HECW1: variants seen among roughly 807,000 people sequenced by gnomAD.
HECW1 encodes the protein HECT, C2 and WW domain containing E3 ubiquitin protein ligase 1, also known as E3 ubiquitin-protein ligase HECW1.
A neutral mutation model predicts 182.3 loss-of-function variants in HECW1; 61 were observed. That is an observed-to-expected ratio of 0.33 (90% confidence interval 0.27 to 0.41). The LOEUF (loss-of-function observed/expected upper bound fraction) is 0.41, where lower values mean the gene tolerates loss of function less well. HECW1 is among the 10% of genes least tolerant of loss of function. The pLI, the probability that HECW1 is intolerant of heterozygous loss-of-function variation, is 1.00. For missense variants in HECW1, 1,739 were observed against 2,108.9 expected, an observed-to-expected ratio of 0.82 and a Z score of 3.44; for synonymous variants, 859 against 832.6, an observed-to-expected ratio of 1.03 and a Z score of -0.55.
chr7:43,263,486 G>A (rs776205077), intron 3 of HECW1, among the ~76,000 whole-genome samples: 3 of 151,916 alleles, frequency 2.0e-5, no homozygotes, highest in Non-Finnish European at 4.4e-5. Flanking sequence ...TCAGCCTCCC[G>A]AGTAGCTGGG....
At chr7:43,476,714 G>T (rs1055878318) in intron 16 of HECW1, among the ~76,000 whole-genome samples, 1 of 152,080 alleles carries the variant, frequency 6.6e-6, no homozygotes, top group African/African-American at 2.4e-5. Flanking sequence ...GGAAATGAAT[G>T]ATTTGGAAAA....
chr7:43,548,859 G>A (rs1056087514), intron 26 of HECW1, among the ~76,000 whole-genome samples: 3 of 152,176 alleles, frequency 2.0e-5, no homozygotes, highest in Non-Finnish European at 2.9e-5. Flanking sequence ...TGGGAGAATC[G>A]CTTGAGCTTG....
rs1180932014 is a variant in HECW1 at position 43,432,802 on chromosome 7, T to G, written c.802-5201T>G. On this transcript the variant is annotated intron_variant, in intron 8 of 29. Transcript: ENST00000395891. This position sits in a 1 kb window ranked among gnomAD's most constrained non-coding sequence, Gnocchi z 4.1. ...TTGCCAATTAAATATTTCCTTTAGT[T>G]AGTTACCCTGTTTTAATTTCATTAA... 6.6e-6 allele frequency among the ~76,000 whole-genome samples: 1 copy of G among 152,266 alleles called. No homozygotes were observed. The highest frequency in any genetic ancestry group is 1.5e-5 in the Non-Finnish European group (1 of 68,044).
chr7:43,552,246 G>A lies in HECW1; in HGVS notation c.4420G>A (p.Val1474Met), dbSNP rs371652643. The A allele has an allele frequency of 3.2e-5, 51 of 1,613,604 alleles. No homozygotes were observed. Among genetic ancestry groups the A allele is most frequent in the South Asian group, 1.3e-4 (12 of 91,086 alleles). The change falls in exon 28 of 30, where the codon GTG (valine) becomes ATG (methionine). Residue 1474 changes from valine (V) to methionine (M), a missense_variant. Around this residue, in one of 5 missense-constraint regions of HECW1, gnomAD observed 420 missense variants for 595.7 expected, o/e 0.71. Transcript: ENST00000395891. ...GGTTGTAGACTCGAGGCTGGTGTCC[G>A]TGTTTGATGCCAGGGAGCTGGAGCT... is the stretch of plus-strand genomic sequence containing the variant. ...YEVVDSRLVS[V>M]FDARELELVI...
At chr7:43,117,743 T>C (rs149438625) in intron 2 of HECW1, among the ~76,000 whole-genome samples, 5 of 152,294 alleles carry the variant, frequency 3.3e-5, no homozygotes, top group African/African-American at 1.2e-4. Context: ...TGGGTATTGG[T>C]AAGTAGTTGT....
intron 2 of HECW1, among the ~76,000 whole-genome samples, chr7:43,193,247 C>T (rs1028747343): frequency 2.6e-5 from 4 of 152,142 alleles, no homozygotes; most frequent in African/African-American, 7.2e-5. Flanking sequence ...AGGTTTTGGC[C>T]GGCTCCTTTA....
intron 7 of HECW1, among the ~76,000 whole-genome samples, chr7:43,401,576 T>TTTG (rs1554400200): frequency 7.6e-6 from 1 of 131,404 alleles, no homozygotes; most frequent in East Asian, 3.2e-4. Flanking sequence ...GGTTTTTTTT[T>TTTG]TTTTTTTTTT....
chr7:43,146,406 T>A (rs114464515), intron 2 of HECW1, among the ~76,000 whole-genome samples: 1 of 152,280 alleles, frequency 6.6e-6, no homozygotes, highest in Non-Finnish European at 1.5e-5. Flanking sequence ...TTGCCTCTGG[T>A]TGGGAACCAC....
rs184603716 is a variant in HECW1 at position 43,246,086 on chromosome 7, G to A, written c.27+2154G>A. On this transcript the variant is annotated intron_variant, in intron 3 of 29. Transcript: ENST00000395891. ...GGCTAAGGCAGGAGGATCACTTGAC[G>A]CCACGAGTATGAGACCAGCCCGAGC... Among the ~76,000 whole-genome samples, 393 of 151,860 alleles carry A rather than the reference G, an allele frequency of 2.6e-3. 2 individuals carry two copies. Among genetic ancestry groups the A allele is most frequent in the Admixed American group, 4.5e-3 (69 of 15,234 alleles).
chr7:43,169,395 C>A (rs1791449793), intron 2 of HECW1, among the ~76,000 whole-genome samples: 1 of 152,192 alleles, frequency 6.6e-6, no homozygotes, highest in Non-Finnish European at 1.5e-5. Flanking sequence ...TAGCAACCCA[C>A]CCCTCACCCT....
intron 2 of HECW1, among the ~76,000 whole-genome samples, chr7:43,199,682 A>AT (rs2152688824): frequency 6.6e-6 from 1 of 152,338 alleles, no homozygotes; most frequent in Admixed American, 6.5e-5. Flanking sequence ...GTTGTGATTC[A>AT]TACACAATTG....
chr7:43,114,173 C>T lies in HECW1; in HGVS notation c.-250C>T. 1.7e-6 allele frequency: 2 copies of T among 1,152,508 alleles called. No homozygotes were observed. The highest frequency in any genetic ancestry group is 2.3e-6 in the Non-Finnish European group (2 of 870,104). The allele number at this position is 1,152,508 out of a possible 1,614,324, so 71.4% of individuals were successfully genotyped here. ...TTTGAAAAGATATCAATGCTATGTT[C>T]AGCAGAAACGGATACAGCAAGAGCA... On this transcript the variant is annotated 5_prime_UTR_variant, in exon 2 of 30. Coordinates refer to ENST00000395891, the MANE Select transcript of HECW1 (RefSeq NM_015052.5).
intron 26 of HECW1, among the ~76,000 whole-genome samples, chr7:43,543,907 C>T (rs1460362796): frequency 6.6e-6 from 1 of 152,114 alleles, no homozygotes; most frequent in East Asian, 1.9e-4. Context: ...TTCACATATG[C>T]CCTATTGTAG....
chr7:43,451,775 C>T (rs893602928), intron 12 of HECW1, among the ~76,000 whole-genome samples: 6 of 152,146 alleles, frequency 3.9e-5, no homozygotes, highest in African/African-American at 1.2e-4. Context: ...TAGAACATCT[C>T]TGTTTTGGTT....
chr7:43,219,244 A>G (rs1328145319), intron 2 of HECW1, among the ~76,000 whole-genome samples: 5 of 152,148 alleles, frequency 3.3e-5, no homozygotes, highest in South Asian at 2.1e-4. Flanking sequence ...CCAGTTTCTA[A>G]TGGCCTGCAT....
intron 2 of HECW1, among the ~76,000 whole-genome samples, chr7:43,155,207 AAATTGT>A (rs1318580160): frequency 2.0e-5 from 3 of 152,236 alleles, no homozygotes; most frequent in Admixed American, 1.3e-4. Context: ...GGAAATTATG[AAATTGT>A]ACACACATGT....
chr7:43,264,460 A>G (rs1002801452), intron 3 of HECW1, among the ~76,000 whole-genome samples: 13 of 152,294 alleles, frequency 8.5e-5, no homozygotes, highest in Non-Finnish European at 1.8e-4. Context: ...TCCATTTTCT[A>G]TGTATACCAC....
intron 2 of HECW1, among the ~76,000 whole-genome samples, chr7:43,129,491 C>T (rs1157138418): frequency 1.3e-5 from 2 of 152,042 alleles, no homozygotes; most frequent in African/African-American, 4.8e-5. Flanking sequence ...ATAGTGTAAA[C>T]ATAACTTTTA....
At chr7:43,123,003 C>T (rs928788973) in intron 2 of HECW1, among the ~76,000 whole-genome samples, 7 of 152,168 alleles carry the variant, frequency 4.6e-5, no homozygotes, top group African/African-American at 1.7e-4. Flanking sequence ...CAAAAATCTG[C>T]TTATGGTTAA....
Sources: allele counts gnomAD v4.1 joint callset (sites outside exome capture counted in the v4.1 genomes callset), GRCh38; gene constraint gnomAD v4.1.1; regional missense constraint gnomAD v4.1.1; non-coding constraint Gnocchi (gnomAD v3.1); transcripts MANE v1.5; gene names NCBI Gene and HGNC (gene_info 2026-07-23, HGNC 2026-07-21).